The following NARS1 variants were observed in gnomAD, a reference collection of about 807,000 sequenced individuals.
NARS1 encodes asparagine--tRNA ligase, cytoplasmic.
NARS1 carries 65 observed loss-of-function variants against 79.2 expected under a neutral mutation model. The ratio of observed to expected loss-of-function variants is 0.82; its 90% CI spans 0.67 to 1.01. NARS1 has a LOEUF of 1.01. Ranked by LOEUF, NARS1 falls within the 50% of genes least tolerant of loss-of-function variation. The pLI is 0.00. For synonymous variants in NARS1, 229 were observed against 238.8 expected (o/e 0.96, Z 0.38); for missense variants, 649 against 673.8 (o/e 0.96, Z 0.41).
At chr18:57,613,831 G>A (rs2051625842) in intron 4 of NARS1, 151 bp from the exon 5 acceptor site, 6 of 619,806 alleles carry the variant, frequency 9.7e-6, no homozygotes, top group South Asian at 4.1e-5. Flanking sequence ...AGAACCAAAC[G>A]CATTTCACTG....
At chr18:57,615,562 T>C (rs978901798) in intron 4 of NARS1, 79 bp downstream of exon 4, 3 of 900,638 alleles carry the variant, frequency 3.3e-6, no homozygotes, top group African/African-American at 1.7e-5. Flanking sequence ...GAACAAACCA[T>C]GTGACATGCC....
chr18:57,614,263 G>A (rs898462113), intron 4 of NARS1, among the ~76,000 whole-genome samples: 21 of 152,194 alleles, frequency 1.4e-4, no homozygotes, highest in African/African-American at 4.8e-4. Context: ...CACTTTGGGA[G>A]GCTAAGGAGG....
chr18:57,606,769 A>G lies in NARS1; in HGVS notation c.1002-18T>C. 8 of 1,613,984 alleles carry G rather than the reference A, an allele frequency of 5.0e-6. No individual in the cohort carries two copies. Among genetic ancestry groups the G allele is most frequent in the Non-Finnish European group, 6.8e-6 (8 of 1,179,914 alleles). On this transcript the variant is annotated intron_variant, in intron 9 of 13. Coordinates refer to ENST00000256854, the MANE Select transcript of NARS1 (RefSeq NM_004539.4). ...GAGTGTACCTGAAGAACGAGACAAT[A>G]GCTCAGCACTGCTTTTCTCCTGCAC...
intron 5 of NARS1, among the ~76,000 whole-genome samples, chr18:57,612,122 T>C (rs2051609096): frequency 1.3e-5 from 2 of 152,256 alleles, no homozygotes; most frequent in South Asian, 4.2e-4. Context: ...CCCACATGGC[T>C]CCCTGCCCCT....
intron 6 of NARS1, among the ~76,000 whole-genome samples, chr18:57,610,848 C>G (rs1568164759): frequency 6.6e-6 from 1 of 151,758 alleles, no homozygotes; most frequent in East Asian, 1.9e-4. Flanking sequence ...AATCCTCGTT[C>G]AAATCAATCA....
intron 11 of NARS1, among the ~76,000 whole-genome samples, chr18:57,604,135 C>G (rs894137866): frequency 2.6e-5 from 4 of 152,246 alleles, no homozygotes; most frequent in African/African-American, 9.6e-5. Context: ...CTAAGCCCAC[C>G]TGGGGGGCCT....
intron 6 of NARS1, among the ~76,000 whole-genome samples, chr18:57,609,858 C>T (rs1268697124): frequency 6.6e-6 from 1 of 152,124 alleles, no homozygotes; most frequent in Non-Finnish European, 1.5e-5. Context: ...GAGTTCAAGA[C>T]CAGCCTGGAC....
rs1028678149 is a variant in NARS1 at position 57,605,863 on chromosome 18, A to G, written c.1245T>C (p.Phe415=). ...VKKEDGTFYE[F]GEDIPEAPER... ...GAGAGAAAGGGATACATACTTCTCC[A>G]AATTCATAGAAAGTTCCATCTTCTT... Residue 415 remains phenylalanine (F), a synonymous_variant, in exon 11 of 14, where the codon TTT becomes TTC. Transcript: ENST00000256854. The G allele has an allele frequency of 6.3e-7, 1 of 1,596,462 alleles. No homozygotes were observed. The highest frequency in any genetic ancestry group is 1.3e-5 in the African/African-American group (1 of 74,580).
intron 1 of NARS1, 60 bp from the exon 2 acceptor site, chr18:57,620,711 CT>C: frequency 1.0e-6 from 1 of 968,346 alleles, no homozygotes; most frequent in Non-Finnish European, 1.6e-6. Flanking sequence ...CACCTTACTA[CT>C]TTATTCATTC....
In NARS1 at chr18:57,601,694, G is replaced by T. The variant is rs750542124; in HGVS notation, c.1605C>A (p.Asp535Glu). Residue 535 changes from aspartate to glutamate, a missense_variant, in exon 14 of 14, where the codon GAC (aspartate) becomes GAA (glutamate). Asp to Glu is a conservative substitution (Grantham distance 45). Transcript: ENST00000256854. ...GGACAAATCGAGGGTATAAGCACAC[G>T]TCTCGGATGTGATACCTATTCAGAA... ...TWILNRYHIR[D>E]VCLYPRFVQR... 1 of 1,613,802 alleles carries T rather than the reference G, an allele frequency of 6.2e-7. No homozygotes were observed. The highest frequency in any genetic ancestry group is 8.5e-7 in the Non-Finnish European group (1 of 1,179,736).
intron 1 of NARS1, 150 bp from the exon 2 acceptor site, chr18:57,620,801 A>C: frequency 2.1e-6 from 1 of 475,884 alleles, no homozygotes; most frequent in South Asian, 4.0e-5. Flanking sequence ...TTATTTCCCC[A>C]CTCCATTTCA....
At position 57,621,778 on chromosome 18, in the gene NARS1, A is replaced by G; in HGVS notation, c.-61T>C. On this transcript the variant is annotated 5_prime_UTR_variant, in exon 1 of 14. Transcript: ENST00000256854. Reference sequence around the variant, plus strand: ...ACTGCAACACCGACGCCGTCTTATGACTCCAACGTGCACCGGCGGTTTCCG... The same window carrying G: ...ACTGCAACACCGACGCCGTCTTATGGCTCCAACGTGCACCGGCGGTTTCCG... 1 of 1,612,432 alleles carries G rather than the reference A, an allele frequency of 6.2e-7. No homozygotes were observed. The highest frequency in any genetic ancestry group is 8.5e-7 in the Non-Finnish European group (1 of 1,179,662).
chr18:57,607,226 G>C lies in NARS1; in HGVS notation c.909C>G (p.Tyr303Ter). ...CCAGGGCTGGGAGGCAGGTCTCCAA[G>C]TACAACTGAGAGGATTGAGTCAAAA... is the stretch of plus-strand genomic sequence containing the variant. Reference protein sequence around the residue: ...EAFLTQSSQLYLETCLPALGD... With the variant: ...EAFLTQSSQL Residue 303 changes from tyrosine (Y) to a stop codon, truncating the protein, a stop_gained, in exon 9 of 14, where the codon TAC becomes TAG. Transcript: ENST00000256854. LOFTEE classifies it high-confidence loss of function. 6.2e-7 allele frequency: 1 copy of C among 1,614,128 alleles called. No individual in the cohort carries two copies. Among genetic ancestry groups the C allele is most frequent in the Non-Finnish European group, 8.5e-7 (1 of 1,180,018 alleles).
At chr18:57,621,278 G>A (rs903559043) in intron 1 of NARS1, among the ~76,000 whole-genome samples, 6 of 142,764 alleles carry the variant, frequency 4.2e-5, no homozygotes, top group African/African-American at 1.6e-4. Flanking sequence ...TTTTCCTACT[G>A]CACAGTATGG....
chr18:57,615,807 C>CA lies in NARS1; in HGVS notation c.252+9dup, dbSNP rs750162938. 6.2e-7 allele frequency: 1 copy of CA among 1,611,706 alleles called. No individual in the cohort carries two copies. The highest frequency in any genetic ancestry group is 2.2e-5 in the East Asian group (1 of 44,872). On this transcript the variant is annotated intron_variant, in intron 3 of 13. Coordinates refer to ENST00000256854, the MANE Select transcript of NARS1 (RefSeq NM_004539.4). ...TTAACAACGTTCACGATGGCAAGGT[C>CA]AGGACTCACCTCTTTCTTTTCCCGG...
In NARS1 at chr18:57,607,131, T is replaced by C; in HGVS notation, c.1001+3A>G. 1.2e-6 allele frequency: 2 copies of C among 1,608,148 alleles called. No individual in the cohort carries two copies. Among genetic ancestry groups the C allele is most frequent in the Non-Finnish European group, 1.7e-6 (2 of 1,176,618 alleles). ...GAAATAAAACAAAAAGACAACTTCATACTCAGCCAGGTGCCTTCGTGTTCT... is the reference window on the plus strand; with the variant it reads ...GAAATAAAACAAAAAGACAACTTCACACTCAGCCAGGTGCCTTCGTGTTCT... On this transcript the variant is annotated splice_donor_region_variant and intron_variant, in intron 9 of 13. Transcript: ENST00000256854.
intron 2 of NARS1, among the ~76,000 whole-genome samples, chr18:57,618,002 C>T (rs749120349): frequency 6.0e-5 from 9 of 150,152 alleles, no homozygotes; most frequent in African/African-American, 2.0e-4. Flanking sequence ...AGGGGCCAGG[C>T]GCAGTGGCAC....
At chr18:57,614,259 G>A (rs317819) in intron 4 of NARS1, among the ~76,000 whole-genome samples, 72,856 of 151,986 alleles carry the variant, frequency 0.48, 17,692 homozygotes, top group East Asian at 0.65. Context: ...CCAGCACTTT[G>A]GGAGGCTAAG....
chr18:57,607,838 GATAA>G (rs1037221201), intron 7 of NARS1, among the ~76,000 whole-genome samples, 173 bp from the exon 8 acceptor site: 3 of 147,500 alleles, frequency 2.0e-5, no homozygotes, highest in Non-Finnish European at 3.0e-5. Flanking sequence ...GTTCTTTCTG[GATAA>G]ATACACACTC....
Sources: allele counts gnomAD v4.1 joint callset (sites outside exome capture counted in the v4.1 genomes callset), GRCh38; gene constraint gnomAD v4.1.1; transcripts MANE v1.5; gene names NCBI Gene and HGNC (gene_info 2026-07-23, HGNC 2026-07-21).